MIA2: variants seen among roughly 807,000 people sequenced by gnomAD.
MIA2 encodes MIA SH3 domain ER export factor 2.
In MIA2, 127 loss-of-function variants were observed where a neutral mutation model predicts 167.8. The observed-to-expected ratio is 0.76, with a 90% confidence interval of 0.66 to 0.88. MIA2 has a LOEUF of 0.88. MIA2 is among the 40% of genes least tolerant of loss of function. The pLI is 0.00. For synonymous variants in MIA2, 552 were observed against 541.9 expected, an observed-to-expected ratio of 1.02 and a Z score of -0.26; for missense variants, 1,690 against 1,624.7, an observed-to-expected ratio of 1.04 and a Z score of -0.69.
downstream of MIA2, among the ~76,000 whole-genome samples, chr14:39,355,795 C>T (rs2074507709): frequency 6.6e-6 from 1 of 152,154 alleles, no homozygotes; most frequent in Non-Finnish European, 1.5e-5. Flanking sequence ...GCCTTTTCTG[C>T]ATCTATTGAG....
chr14:39,264,380 T>G (rs1344891696), intron 6 of MIA2, among the ~76,000 whole-genome samples: 1 of 152,222 alleles, frequency 6.6e-6, no homozygotes, highest in Non-Finnish European at 1.5e-5. Flanking sequence ...ATGTCTTTGC[T>G]ATTGTGAATA....
At chr14:39,266,307 T>C in intron 6 of MIA2, 1 of 985,340 alleles carries the variant, frequency 1.0e-6, no homozygotes, top group Non-Finnish European at 1.2e-6. Context: ...GCTAAAACCG[T>C]CTCCTACGAA....
At chr14:39,356,528 G>T (rs1243484683) in intron 23 of MIA2, among the ~76,000 whole-genome samples, 1 of 152,072 alleles carries the variant, frequency 6.6e-6, no homozygotes, top group Non-Finnish European at 1.5e-5. Context: ...TGATTTTTTT[G>T]AAGGGTTTTT....
chr14:39,271,585 G>T (rs1177201785), intron 6 of MIA2, among the ~76,000 whole-genome samples: 1 of 152,020 alleles, frequency 6.6e-6, no homozygotes, highest in African/African-American at 2.4e-5. Flanking sequence ...TTTAATAGGG[G>T]TTGCATTGAG....
At chr14:39,260,351 C>A (rs919189879) in intron 6 of MIA2, among the ~76,000 whole-genome samples, 2 of 152,230 alleles carry the variant, frequency 1.3e-5, no homozygotes, top group African/African-American at 4.8e-5. Context: ...TATTTCCCCA[C>A]ATCCTCTCCA....
downstream of MIA2, chr14:39,351,311 C>T (rs1006399788): frequency 1.3e-5 from 2 of 150,940 alleles, no homozygotes; most frequent in African/African-American, 4.9e-5. Flanking sequence ...CAGCATTTCC[C>T]CAGGTGTTGT....
At chr14:39,331,297 C>A (rs767740367) in intron 25 of MIA2, among the ~76,000 whole-genome samples, 18 of 151,414 alleles carry the variant, frequency 1.2e-4, no homozygotes, top group Non-Finnish European at 1.6e-4. Context: ...TTTTTGCTTT[C>A]CATTTGCTTG....
chr14:39,350,116 C>G lies in MIA2; in HGVS notation c.4091C>G (p.Pro1364Arg), dbSNP rs749908295. The change falls in exon 29 of 29, where the codon CCG becomes CGG. Residue 1364 changes from proline to arginine, a missense_variant. Pro to Arg is a moderately radical substitution (Grantham distance 103, BLOSUM62 -2). Transcript: ENST00000640607. ...TGAACAGTGAGAAATGTCTATCCAC[C>G]GAGGGGTTTTCCTCCTTACCTTCCC... ...APFAMRNVYP[P>R]RGFPPYLPPR... 1.5e-6 allele frequency: 2 copies of G among 1,355,634 alleles called. No individual in the cohort carries two copies. Among genetic ancestry groups the G allele is most frequent in the Non-Finnish European group, 2.0e-6 (2 of 988,250 alleles). The allele number at this position is 1,355,634 out of a possible 1,614,324, so 84.0% of individuals were successfully genotyped here.
intron 24 of MIA2, among the ~76,000 whole-genome samples, chr14:39,324,603 C>T (rs1374350079): frequency 6.7e-6 from 1 of 148,324 alleles, no homozygotes; most frequent in East Asian, 2.0e-4. Flanking sequence ...TGTTAGACTT[C>T]TTTTTTTTTT....
intron 9 of MIA2, among the ~76,000 whole-genome samples, chr14:39,286,742 G>A (rs1203928142): frequency 2.9e-5 from 4 of 136,986 alleles, no homozygotes; most frequent in Admixed American, 7.9e-5. Flanking sequence ...TGCCCAGGCT[G>A]GATTGCAGCA....
chr14:39,314,635 A>T (rs550222206), intron 19 of MIA2, 104 bp from the exon 20 acceptor site: 12 of 350,730 alleles, frequency 3.4e-5, no homozygotes, highest in African/African-American at 3.1e-4. Flanking sequence ...TTTTTCATGA[A>T]GTAGAGCATT....
At chr14:39,370,596 C>A in intron 23 of MIA2, 1 of 365,908 alleles carries the variant, frequency 2.7e-6, no homozygotes. Context: ...CCGGCATCCT[C>A]TTGAGGAAGT....
chr14:39,244,550 AAATTGC>A (rs2054203682), intron 3 of MIA2, among the ~76,000 whole-genome samples: 1 of 152,148 alleles, frequency 6.6e-6, no homozygotes, highest in African/African-American at 2.4e-5. Context: ...ATATATTGTA[AAATTGC>A]AATTCTGAAG....
At chr14:39,236,501 G>A (rs1265454404) in intron 1 of MIA2, among the ~76,000 whole-genome samples, 1 of 152,148 alleles carries the variant, frequency 6.6e-6, no homozygotes, top group African/African-American at 2.4e-5. Context: ...GATCTGTTTT[G>A]AGGATTTAAT....
intron 23 of MIA2, chr14:39,385,491 C>A: frequency 2.2e-6 from 2 of 917,124 alleles, no homozygotes; most frequent in South Asian, 2.6e-5. Context: ...TCTTGCTCTC[C>A]TGTGTCACAG....
intron 13 of MIA2, among the ~76,000 whole-genome samples, chr14:39,297,620 G>C (rs1204940649): frequency 6.6e-6 from 1 of 151,160 alleles, no homozygotes; most frequent in Non-Finnish European, 1.5e-5. Context: ...AGATGTCCCA[G>C]AGTCTCAGGT....
intron 21 of MIA2, among the ~76,000 whole-genome samples, chr14:39,316,734 A>G (rs73277498): frequency 0.017 from 2,625 of 152,232 alleles, 81 homozygotes; most frequent in African/African-American, 0.06. Flanking sequence ...CTGGGCTTGG[A>G]GATGAATTTA....
chr14:39,316,408 T>G (rs546270649), intron 21 of MIA2, among the ~76,000 whole-genome samples: 2 of 152,336 alleles, frequency 1.3e-5, no homozygotes, highest in Admixed American at 1.3e-4. Context: ...GCTCATGTCC[T>G]GGCTTCATCA....
chr14:39,357,146 A>G (rs1017603976), intron 23 of MIA2, among the ~76,000 whole-genome samples: 9 of 152,086 alleles, frequency 5.9e-5, no homozygotes, highest in South Asian at 2.1e-4. Flanking sequence ...AATGTTGACA[A>G]TGGGGTGTTA....
Sources: gnomAD v4.1 joint callset for allele counts (sites outside exome capture counted in the v4.1 genomes callset) on GRCh38, gnomAD v4.1.1 for gene constraint, MANE v1.5 for transcripts, NCBI Gene and HGNC (gene_info 2026-07-23, HGNC 2026-07-21) for gene names.